UBE2D2: variants seen among roughly 807,000 people sequenced by gnomAD.
UBE2D2 encodes the protein ubiquitin conjugating enzyme E2 D2.
Under a neutral mutation model 24.2 loss-of-function variants are expected in UBE2D2, and 2 were observed. The observed-to-expected ratio is 0.08, with a 90% CI of 0.03 to 0.26. The LOEUF is 0.26. Among genes scored for constraint, UBE2D2 ranks in the 10% least tolerant of loss-of-function variants. UBE2D2 has a pLI of 1.00. For synonymous variants in UBE2D2, 58 were observed against 56.5 expected (o/e 1.03, Z -0.12); for missense variants, 44 against 177.6 (o/e 0.25, Z 4.28).
chr5:139,536,024 C>G (rs1479879885), intron 1 of UBE2D2, among the ~76,000 whole-genome samples: 1 of 151,840 alleles, frequency 6.6e-6, no homozygotes, highest in Non-Finnish European at 1.5e-5. Context: ...TCCCAAGTAT[C>G]TGGAATTACA....
chr5:139,533,556 A>T (rs1752625267), intron 1 of UBE2D2, among the ~76,000 whole-genome samples: 2 of 151,560 alleles, frequency 1.3e-5, no homozygotes, highest in African/African-American at 4.8e-5. Flanking sequence ...AGGCTGAGGC[A>T]GGAGAATCGC....
intron 2 of UBE2D2, among the ~76,000 whole-genome samples, chr5:139,609,261 G>C (rs774085848): frequency 2.6e-5 from 4 of 151,992 alleles, no homozygotes; most frequent in Non-Finnish European, 5.9e-5. Flanking sequence ...TTTATATTTT[G>C]TCTGGGTGTG....
At chr5:139,533,969 G>GT (rs1459351835) in intron 1 of UBE2D2, among the ~76,000 whole-genome samples, 1 of 151,478 alleles carries the variant, frequency 6.6e-6, no homozygotes, top group Non-Finnish European at 1.5e-5. Context: ...ATTTAGTAGA[G>GT]ACACGGTTTC....
At chr5:139,600,897 G>T (rs1402782999) in intron 2 of UBE2D2, among the ~76,000 whole-genome samples, 1 of 152,116 alleles carries the variant, frequency 6.6e-6, no homozygotes, top group Non-Finnish European at 1.5e-5. Context: ...CTGCTTCCTG[G>T]GTTCAAGTGA....
Position 139,600,453 on chromosome 5 carries a change from A to G in UBE2D2, c.88+18A>G. 21 of 1,612,650 alleles carry G rather than the reference A, an allele frequency of 1.3e-5. No individual in the cohort carries two copies. The highest frequency in any genetic ancestry group is 1.8e-5 in the Non-Finnish European group (21 of 1,178,872). ...AGATGATAGTAAGTATTTAAAAGGAATAATGGAGTAATAGCATAACAGTGG... is the reference window on the plus strand; with the variant it reads ...AGATGATAGTAAGTATTTAAAAGGAGTAATGGAGTAATAGCATAACAGTGG... On this transcript the variant is annotated intron_variant, in intron 2 of 6. Coordinates refer to ENST00000398733, the MANE Select transcript of UBE2D2 (RefSeq NM_003339.3).
chr5:139,609,918 C>T (rs1488307955), intron 2 of UBE2D2, among the ~76,000 whole-genome samples: 1 of 151,420 alleles, frequency 6.6e-6, no homozygotes, highest in Non-Finnish European at 1.5e-5. Flanking sequence ...ATTACAGGCA[C>T]CTGCCACTAC....
chr5:139,587,535 C>T lies in UBE2D2; in HGVS notation c.25-12837C>T, dbSNP rs754267609. 7.2e-5 allele frequency among the ~76,000 whole-genome samples: 11 copies of T among 151,912 alleles called. No homozygotes were observed. In the East Asian group the frequency reaches 1.4e-3, roughly 19 times the overall value. ...CTCTACTAAAAATAAAAAAAATAGCCGGGCGTGGTGGCGGGCACCACCAGC... is the reference window on the plus strand; with the variant it reads ...CTCTACTAAAAATAAAAAAAATAGCTGGGCGTGGTGGCGGGCACCACCAGC... On this transcript the variant is annotated intron_variant, in intron 1 of 6. Transcript: ENST00000398733.
At chr5:139,574,550 A>C (rs1292422710) in intron 1 of UBE2D2, among the ~76,000 whole-genome samples, 2 of 151,992 alleles carry the variant, frequency 1.3e-5, no homozygotes, top group African/African-American at 4.8e-5. Flanking sequence ...CATGAGGCAT[A>C]CAGGCAGTCA....
chr5:139,592,487 T>G (rs1048135021), intron 1 of UBE2D2, among the ~76,000 whole-genome samples: 1 of 152,132 alleles, frequency 6.6e-6, no homozygotes, highest in Non-Finnish European at 1.5e-5. Context: ...GGGTAGAGCC[T>G]GTGAATTTGC....
At chr5:139,550,952 G>C (rs973943327) in intron 1 of UBE2D2, among the ~76,000 whole-genome samples, 3 of 152,080 alleles carry the variant, frequency 2.0e-5, no homozygotes, top group Non-Finnish European at 4.4e-5. Flanking sequence ...ACCAATTCCA[G>C]ATACACCACA....
intron 5 of UBE2D2, among the ~76,000 whole-genome samples, chr5:139,618,601 T>G (rs984998273): frequency 1.1e-4 from 17 of 152,090 alleles, no homozygotes; most frequent in Admixed American, 6.6e-5. Flanking sequence ...GTGTGTTTGG[T>G]GGGGTGAGGT....
chr5:139,577,172 A>G (rs1753491133), intron 1 of UBE2D2, among the ~76,000 whole-genome samples: 1 of 151,886 alleles, frequency 6.6e-6, no homozygotes, highest in African/African-American at 2.4e-5. Flanking sequence ...AATTTGTAAA[A>G]CAGAAACTTA....
At chr5:139,548,689 A>T (rs1158177260) in intron 1 of UBE2D2, among the ~76,000 whole-genome samples, 1 of 152,120 alleles carries the variant, frequency 6.6e-6, no homozygotes, top group Admixed American at 6.6e-5. Context: ...ACCACTTGTT[A>T]TTTAACCTCA....
At chr5:139,588,312 CTGGAG>C (rs1316911477) in intron 1 of UBE2D2, among the ~76,000 whole-genome samples, 3 of 151,404 alleles carry the variant, frequency 2.0e-5, no homozygotes, top group Non-Finnish European at 4.4e-5. Flanking sequence ...GTCGCCCAGG[CTGGAG>C]TGGAGTGGAG....
At chr5:139,565,840 T>C (rs1161234428) in intron 1 of UBE2D2, among the ~76,000 whole-genome samples, 8 of 152,124 alleles carry the variant, frequency 5.3e-5, no homozygotes, top group Admixed American at 1.3e-4. Flanking sequence ...TAAATAAATA[T>C]CTTGATTCTT....
rs188913189 is a variant in UBE2D2, at chr5:139,583,684, C to T, written c.25-16688C>T. On this transcript the variant is annotated intron_variant, in intron 1 of 6. Coordinates refer to ENST00000398733, the MANE Select transcript of UBE2D2 (RefSeq NM_003339.3). Reference sequence around the variant, plus strand: ...GGCTGAGACAGGAGAATTGCTTGAACCCAGGAAGTGGAGGTTGCAGTGAGC... The same window carrying T: ...GGCTGAGACAGGAGAATTGCTTGAATCCAGGAAGTGGAGGTTGCAGTGAGC... Among the ~76,000 whole-genome samples the T allele has an allele frequency of 2.6e-5, 4 of 152,286 alleles. No individual in the cohort carries two copies. The East Asian group carries it at 7.7e-4, about 29-fold the overall frequency.
intron 2 of UBE2D2, among the ~76,000 whole-genome samples, chr5:139,608,265 C>G (rs1021813444): frequency 6.6e-6 from 1 of 152,030 alleles, no homozygotes; most frequent in South Asian, 2.1e-4. Flanking sequence ...AACCCCATCT[C>G]TACTAAAAAT....
intron 2 of UBE2D2, among the ~76,000 whole-genome samples, chr5:139,611,175 CTTTTTTTTTTTT>C (rs60626896): frequency 1.4e-4 from 8 of 58,758 alleles, no homozygotes; most frequent in African/African-American, 2.7e-4. Flanking sequence ...AGTTTTCCTT[CTTTTTTTTTTTT>C]TTTTTTTTTT....
At chr5:139,576,893 T>G (rs1753482107) in intron 1 of UBE2D2, among the ~76,000 whole-genome samples, 1 of 151,960 alleles carries the variant, frequency 6.6e-6, no homozygotes, top group South Asian at 2.1e-4. Context: ...AGTTGGTGTT[T>G]TGAATAATTG....
Sources: allele counts gnomAD v4.1 joint callset (sites outside exome capture counted in the v4.1 genomes callset), GRCh38; gene constraint gnomAD v4.1.1; transcripts MANE v1.5; gene names NCBI Gene and HGNC (gene_info 2026-07-23, HGNC 2026-07-21).